GPC6: variants seen among roughly 807,000 people sequenced by gnomAD.
GPC6 encodes the protein glypican-6.
In GPC6, 14 loss-of-function variants were observed where a neutral mutation model predicts 55.2. That is an observed-to-expected ratio of 0.25 (90% CI 0.17 to 0.40). GPC6 has a LOEUF of 0.40. Among genes scored for constraint, GPC6 ranks in the 10% least tolerant of loss-of-function variants. The pLI, the probability that GPC6 is intolerant of heterozygous loss-of-function variation, is 1.00. For missense variants in GPC6, 641 were observed against 708.5 expected (o/e 0.90, Z 1.08); for synonymous variants, 278 against 259.6 (o/e 1.07, Z -0.68).
At chr13:94,206,395 G>A (rs541329648) in intron 4 of GPC6, among the ~76,000 whole-genome samples, 1 of 152,090 alleles carries the variant, frequency 6.6e-6, no homozygotes, top group Non-Finnish European at 1.5e-5. Context: ...AATAACGGGA[G>A]TCTCAGCAGC....
At chr13:94,233,865 C>T (rs1294317353) in intron 4 of GPC6, among the ~76,000 whole-genome samples, 3 of 152,106 alleles carry the variant, frequency 2.0e-5, no homozygotes, top group African/African-American at 4.8e-5. Context: ...CAGAAAAAAA[C>T]ATAGCATATA....
chr13:94,101,487 T>C (rs750380933), intron 4 of GPC6, among the ~76,000 whole-genome samples: 9 of 152,180 alleles, frequency 5.9e-5, no homozygotes, highest in Admixed American at 6.5e-5. Flanking sequence ...GAGTGCAGTT[T>C]AGCACCTTAT....
At chr13:93,322,794 A>G (rs1243164022) in intron 1 of GPC6, among the ~76,000 whole-genome samples, 4 of 151,490 alleles carry the variant, frequency 2.6e-5, no homozygotes, top group African/African-American at 9.7e-5. Flanking sequence ...GTTTGTTTTT[A>G]TTTTTTTATT....
intron 1 of GPC6, among the ~76,000 whole-genome samples, chr13:93,276,398 A>G (rs1444556763): frequency 6.6e-6 from 1 of 151,170 alleles, no homozygotes; most frequent in Non-Finnish European, 1.5e-5. Context: ...TCTGATGTGA[A>G]GTACTTTGAG....
intron 1 of GPC6, among the ~76,000 whole-genome samples, chr13:93,497,912 T>C (rs891353369): frequency 3.3e-5 from 5 of 152,164 alleles, no homozygotes; most frequent in Admixed American, 3.3e-4. Flanking sequence ...AGAAGGTGTA[T>C]TGGAGGGTAA....
At chr13:93,441,200 G>A (rs1877784713) in intron 1 of GPC6, among the ~76,000 whole-genome samples, 1 of 152,052 alleles carries the variant, frequency 6.6e-6, no homozygotes, top group Non-Finnish European at 1.5e-5. Flanking sequence ...AATCCTTTAG[G>A]TATATACCCA....
chr13:93,285,982 A>C (rs181588927), intron 1 of GPC6, among the ~76,000 whole-genome samples: 1 of 152,278 alleles, frequency 6.6e-6, no homozygotes, highest in East Asian at 1.9e-4. Context: ...AACCTGGAAC[A>C]CCGACAGGAA....
intron 4 of GPC6, among the ~76,000 whole-genome samples, chr13:94,051,439 T>C (rs971875755): frequency 1.3e-5 from 2 of 152,178 alleles, no homozygotes; most frequent in African/African-American, 4.8e-5. Flanking sequence ...TCCACATGCA[T>C]CTAAGGCATA....
intron 2 of GPC6, among the ~76,000 whole-genome samples, chr13:93,597,007 C>CAAAAAA (rs10709473): frequency 3.5e-3 from 236 of 67,816 alleles, no homozygotes; most frequent in Non-Finnish European, 5.2e-3. Context: ...TCAAATCTGG[C>CAAAAAA]AAAAAAAAAA....
At chr13:94,135,270 G>C (rs993769874) in intron 4 of GPC6, among the ~76,000 whole-genome samples, 1 of 136,460 alleles carries the variant, frequency 7.3e-6, no homozygotes, top group Non-Finnish European at 1.6e-5. Flanking sequence ...AAAAAAAAAA[G>C]TTAAGGCAGA....
At chr13:94,028,043 T>C (rs184699384) in intron 4 of GPC6, 149 bp downstream of exon 4, 69 of 753,602 alleles carry the variant, frequency 9.2e-5, no homozygotes, top group African/African-American at 7.2e-4. Context: ...TACAGATGGA[T>C]TGCTTGAGCC....
chr13:93,936,501 G>A (rs1461400618), intron 3 of GPC6, among the ~76,000 whole-genome samples: 1 of 152,020 alleles, frequency 6.6e-6, no homozygotes, highest in Non-Finnish European at 1.5e-5. Context: ...CTCCATGTTA[G>A]AAATTCAAAG....
chr13:94,373,971 A>ACT (rs1452977023), intron 6 of GPC6, among the ~76,000 whole-genome samples: 2 of 152,214 alleles, frequency 1.3e-5, no homozygotes, highest in African/African-American at 4.8e-5. Flanking sequence ...ACTAAGCTTC[A>ACT]TAAGTGAAGG....
At chr13:94,157,867 T>C (rs1307976178) in intron 4 of GPC6, among the ~76,000 whole-genome samples, 2 of 151,968 alleles carry the variant, frequency 1.3e-5, no homozygotes, top group Non-Finnish European at 2.9e-5. Flanking sequence ...GTGAAAGAAG[T>C]TGCAGAATTG....
chr13:93,768,512 G>A (rs988138794), intron 2 of GPC6, among the ~76,000 whole-genome samples: 3 of 151,974 alleles, frequency 2.0e-5, no homozygotes, highest in African/African-American at 7.3e-5. Context: ...CCGGCCACTC[G>A]GTAAATATGG....
At chr13:93,589,317 A>G (rs1182367979) in intron 2 of GPC6, among the ~76,000 whole-genome samples, 2 of 152,192 alleles carry the variant, frequency 1.3e-5, no homozygotes, top group Non-Finnish European at 2.9e-5. Flanking sequence ...AGAATTTTGC[A>G]CTGAGTACCT....
At chr13:94,149,131 C>T (rs1307589448) in intron 4 of GPC6, among the ~76,000 whole-genome samples, 1 of 152,128 alleles carries the variant, frequency 6.6e-6, no homozygotes, top group Non-Finnish European at 1.5e-5. Context: ...TTTTTTATGG[C>T]AGCTGAAATA....
At chr13:94,127,416 C>T (rs982316563) in intron 4 of GPC6, among the ~76,000 whole-genome samples, 2 of 152,112 alleles carry the variant, frequency 1.3e-5, no homozygotes, top group Non-Finnish European at 1.5e-5. Flanking sequence ...CCTACTTTCG[C>T]CATGTGATGT....
At chr13:94,130,831 A>T (rs1886978864) in intron 4 of GPC6, among the ~76,000 whole-genome samples, 1 of 152,280 alleles carries the variant, frequency 6.6e-6, no homozygotes, top group African/African-American at 2.4e-5. Context: ...GCATTACTTC[A>T]TAGGAAGAAG....
Sources: gnomAD v4.1 joint callset for allele counts (sites outside exome capture counted in the v4.1 genomes callset) on GRCh38, gnomAD v4.1.1 for gene constraint, MANE v1.5 for transcripts, NCBI Gene and HGNC (gene_info 2026-07-23, HGNC 2026-07-21) for gene names.